The following NPAS3 variants were observed in gnomAD, a reference collection of about 807,000 sequenced individuals.
The protein encoded by NPAS3 is neuronal PAS domain-containing protein 3.
In NPAS3, 14 loss-of-function variants were observed where a neutral mutation model predicts 73.1. That is an observed-to-expected ratio of 0.19 (90% CI 0.13 to 0.30). The LOEUF is 0.30. Among genes scored for constraint, NPAS3 ranks in the 10% least tolerant of loss-of-function variants. NPAS3 has a pLI of 1.00. For missense variants in NPAS3, 1,096 were observed against 1,250.0 expected (o/e 0.88, Z 1.86); for synonymous variants, 620 against 541.5 (o/e 1.14, Z -2.01).
At chr14:33,138,780 C>T (rs1277041522) in intron 2 of NPAS3, among the ~76,000 whole-genome samples, 2 of 152,134 alleles carry the variant, frequency 1.3e-5, no homozygotes, top group African/African-American at 4.8e-5. Context: ...TGCAGTTAGA[C>T]ATAAAAACAA....
At chr14:33,779,170 C>T (rs970786286) in intron 9 of NPAS3, among the ~76,000 whole-genome samples, 2 of 152,198 alleles carry the variant, frequency 1.3e-5, no homozygotes, top group Admixed American at 1.3e-4. Context: ...AAACTTATCT[C>T]AGCTCTTTGA....
At chr14:33,207,679 A>G (rs2046882344) in intron 2 of NPAS3, among the ~76,000 whole-genome samples, 1 of 152,188 alleles carries the variant, frequency 6.6e-6, no homozygotes, top group African/African-American at 2.4e-5. Flanking sequence ...ATGCTCTCAG[A>G]CAGAATTTAT....
intron 2 of NPAS3, among the ~76,000 whole-genome samples, chr14:33,160,871 A>G (rs1252340996): frequency 6.6e-6 from 1 of 152,178 alleles, no homozygotes; most frequent in African/African-American, 2.4e-5. Flanking sequence ...TCATTTCCAA[A>G]TGAAAAACTC....
At chr14:32,975,642 G>GT (rs1267099696) in intron 1 of NPAS3, among the ~76,000 whole-genome samples, 23 of 152,160 alleles carry the variant, frequency 1.5e-4, no homozygotes, top group Admixed American at 1.5e-3. Flanking sequence ...GTTGCTCACA[G>GT]TTTTTTTAAT....
chr14:33,306,900 T>C (rs545720235), intron 3 of NPAS3, among the ~76,000 whole-genome samples: 1 of 152,228 alleles, frequency 6.6e-6, no homozygotes, highest in Non-Finnish European at 1.5e-5. Context: ...GTGGAGGAAG[T>C]CAAACAAGTG....
intron 4 of NPAS3, among the ~76,000 whole-genome samples, chr14:33,392,288 A>G (rs533363136): frequency 1.3e-5 from 2 of 152,180 alleles, no homozygotes; most frequent in Non-Finnish European, 2.9e-5. Context: ...ATTAATATTT[A>G]TTGAGCATTT....
chr14:33,631,771 T>C (rs139979998), intron 5 of NPAS3, among the ~76,000 whole-genome samples: 1 of 152,266 alleles, frequency 6.6e-6, no homozygotes, highest in African/African-American at 2.4e-5. Context: ...TCCACTGATA[T>C]ATTTATTGTA....
chr14:33,211,530 G>C (rs2047034770), intron 2 of NPAS3, among the ~76,000 whole-genome samples: 2 of 152,068 alleles, frequency 1.3e-5, no homozygotes, highest in African/African-American at 4.8e-5. Context: ...CTCCAACCTG[G>C]GTGACAGAGT....
At chr14:33,714,920 A>C (rs1329179984) in intron 6 of NPAS3, among the ~76,000 whole-genome samples, 1 of 152,188 alleles carries the variant, frequency 6.6e-6, no homozygotes, top group Non-Finnish European at 1.5e-5. Context: ...AATCACCATC[A>C]TTGTCCATAG....
chr14:33,693,409 C>T (rs966327407), intron 6 of NPAS3, among the ~76,000 whole-genome samples: 14 of 152,116 alleles, frequency 9.2e-5, no homozygotes, highest in African/African-American at 1.9e-4. Flanking sequence ...GTTGACCTTC[C>T]GCATACCCAT....
At chr14:33,463,820 G>A (rs186229199) in intron 4 of NPAS3, among the ~76,000 whole-genome samples, 6 of 152,260 alleles carry the variant, frequency 3.9e-5, no homozygotes, top group African/African-American at 7.2e-5. Flanking sequence ...ACTAACTGCC[G>A]CCACAGTGAT....
chr14:33,554,884 C>A (rs754086549), intron 4 of NPAS3, among the ~76,000 whole-genome samples: 4 of 152,104 alleles, frequency 2.6e-5, no homozygotes, highest in African/African-American at 4.8e-5. Context: ...TAGTTCCACA[C>A]CCTGCAAGGA....
At chr14:33,046,024 A>C (rs2040495198) in intron 1 of NPAS3, among the ~76,000 whole-genome samples, 1 of 152,176 alleles carries the variant, frequency 6.6e-6, no homozygotes, top group Admixed American at 6.5e-5. Flanking sequence ...CACACTTTTT[A>C]ACAACAGAAC....
chr14:32,941,350 T>TCCTTCCTTCCTTCCTTCCTTCCTG (rs1490583808), intron 1 of NPAS3, among the ~76,000 whole-genome samples: 1 of 125,692 alleles, frequency 8.0e-6, no homozygotes, highest in African/African-American at 3.1e-5. Context: ...CTTCCTTCCT[T>TCCTTCCTTCCTTCCTTCCTTCCTG]CTTCCCAGTT....
intron 1 of NPAS3, among the ~76,000 whole-genome samples, chr14:32,958,908 T>G (rs1293118608): frequency 1.3e-5 from 2 of 152,184 alleles, no homozygotes; most frequent in Non-Finnish European, 2.9e-5. Flanking sequence ...TCTGCCAAAC[T>G]ATAACATGTA....
intron 7 of NPAS3, among the ~76,000 whole-genome samples, chr14:33,770,341 T>C (rs534972798): frequency 6.6e-6 from 1 of 152,338 alleles, no homozygotes; most frequent in South Asian, 2.1e-4. Flanking sequence ...GGATAGAGTC[T>C]GGGAATTCAC....
intron 4 of NPAS3, among the ~76,000 whole-genome samples, chr14:33,424,713 T>C (rs1375981998): frequency 6.8e-6 from 1 of 147,190 alleles, no homozygotes; most frequent in African/African-American, 2.5e-5. Flanking sequence ...TTAGGGAATA[T>C]GGGAGGAGGG....
chr14:33,077,774 G>GTTTTT lies in NPAS3; in HGVS notation c.140+21791_140+21795dup, dbSNP rs3057435. Among the ~76,000 whole-genome samples the GTTTTT allele has an allele frequency of 1.5e-3, 134 of 87,474 alleles. 4 individuals are homozygous for GTTTTT. Among genetic ancestry groups the GTTTTT allele is most frequent in the Non-Finnish European group, 2.1e-3 (94 of 43,794 alleles). 57.4% of individuals were successfully genotyped at this position (87,474 alleles called of 152,430 possible). A position where few individuals can be genotyped will look rare whatever the true frequency, so the allele number is the denominator to read the frequency against. Reference sequence around the variant, plus strand: ...CTTTGCTCAAAACATTGCAGTAAGGGTTTTTTTTTTTTTTTGCCCCTTTTG... The same window carrying GTTTTT: ...CTTTGCTCAAAACATTGCAGTAAGGGTTTTTTTTTTTTTTTTTTTTGCCCCTTTTG... On this transcript the variant is annotated intron_variant, in intron 2 of 11. Coordinates refer to ENST00000356141, the Ensembl canonical transcript of NPAS3.
At chr14:33,327,534 A>T (rs570389872) in intron 3 of NPAS3, among the ~76,000 whole-genome samples, 1 of 152,376 alleles carries the variant, frequency 6.6e-6, no homozygotes, top group South Asian at 2.1e-4. Flanking sequence ...GCATATATTC[A>T]GAAAACAATC....
Sources: gnomAD v4.1 joint callset for allele counts (sites outside exome capture counted in the v4.1 genomes callset) on GRCh38, gnomAD v4.1.1 for gene constraint, MANE v1.5 for transcripts, NCBI Gene and HGNC (gene_info 2026-07-23, HGNC 2026-07-21) for gene names.